IPO11: variants seen among roughly 807,000 people sequenced by gnomAD.
IPO11 encodes importin-11.
In IPO11, 66 loss-of-function variants were observed where a neutral mutation model predicts 143.2. The observed-to-expected ratio is 0.46, with a 90% CI of 0.38 to 0.57. IPO11 has a LOEUF of 0.57. IPO11 is among the 20% of genes least tolerant of loss of function. The pLI, the probability that IPO11 is intolerant of heterozygous loss-of-function variation, is 0.00. For missense variants in IPO11, 1,026 were observed against 1,141.0 expected (o/e 0.90, Z 1.45); for synonymous variants, 385 against 377.8 (o/e 1.02, Z -0.22).
At chr5:62,447,688 T>A (rs1207705127) in intron 3 of IPO11, among the ~76,000 whole-genome samples, 1 of 151,900 alleles carries the variant, frequency 6.6e-6, no homozygotes, top group Non-Finnish European at 1.5e-5. Flanking sequence ...CAGGCTCCAG[T>A]GATCCTCCCA....
At chr5:62,449,346 T>C (rs1429303030) in intron 3 of IPO11, among the ~76,000 whole-genome samples, 1 of 152,236 alleles carries the variant, frequency 6.6e-6, no homozygotes, top group Non-Finnish European at 1.5e-5. Context: ...TTTATTCTTT[T>C]CGGAGATGTT....
At chr5:62,595,419 T>C (rs1745179486) in intron 28 of IPO11, among the ~76,000 whole-genome samples, 1 of 152,244 alleles carries the variant, frequency 6.6e-6, no homozygotes, top group Non-Finnish European at 1.5e-5. Flanking sequence ...TTTTTAAAAA[T>C]AGTTGTGCTT....
chr5:62,437,557 T>C (rs1015220234), intron 2 of IPO11, 140 bp downstream of exon 2: 8 of 626,988 alleles, frequency 1.3e-5, no homozygotes, highest in Non-Finnish European at 2.2e-5. Flanking sequence ...ATTATCTTAT[T>C]ACTTTATGAC....
At chr5:62,546,380 T>C (rs1001562363) in intron 24 of IPO11, among the ~76,000 whole-genome samples, 1 of 152,020 alleles carries the variant, frequency 6.6e-6, no homozygotes, top group Non-Finnish European at 1.5e-5. Context: ...TTCTCACTCA[T>C]AGATGGAAAT....
At position 62,435,154 on chromosome 5, in the gene IPO11, A is replaced by ATATATGTATATATG. The variant is rs1561308977; in HGVS notation, c.-6-2115_-6-2114insGTATATATGTATAT. On this transcript the variant is annotated intron_variant, in intron 1 of 29. Coordinates refer to ENST00000325324, the MANE Select transcript of IPO11 (RefSeq NM_016338.5). ...TATATATGTATATATGTATATATGT[A>ATATATGTATATATG]TATATATGTATATATATGTATATAT... Among the ~76,000 whole-genome samples the ATATATGTATATATG allele has an allele frequency of 1.8e-3, 112 of 62,700 alleles. 9 individuals are homozygous for ATATATGTATATATG. The highest frequency in any genetic ancestry group is 0.015 in the Middle Eastern group (2 of 136). 41.1% of individuals were successfully genotyped at this position (62,700 alleles called of 152,430 possible). A position where few individuals can be genotyped will look rare whatever the true frequency, so the allele number is the denominator to read the frequency against.
intron 28 of IPO11, among the ~76,000 whole-genome samples, chr5:62,596,268 CAA>C (rs71608515): frequency 1.2e-4 from 11 of 95,636 alleles, no homozygotes; most frequent in Non-Finnish European, 1.6e-4. Flanking sequence ...GGCCCTGTCT[CAA>C]AAAAAAAAAA....
At chr5:62,436,223 A>G (rs1473312490) in intron 1 of IPO11, among the ~76,000 whole-genome samples, 3 of 152,206 alleles carry the variant, frequency 2.0e-5, no homozygotes, top group Non-Finnish European at 2.9e-5. Flanking sequence ...TGTTGAATCA[A>G]CATTTGGAAT....
At chr5:62,601,649 G>T in intron 28 of IPO11, 115 bp from the exon 29 acceptor site, 1 of 461,468 alleles carries the variant, frequency 2.2e-6, no homozygotes, top group East Asian at 3.6e-5. Flanking sequence ...TCACATTTTG[G>T]TGTGAAAAAC....
intron 29 of IPO11, among the ~76,000 whole-genome samples, chr5:62,618,490 T>C (rs1459320767): frequency 6.6e-6 from 1 of 152,054 alleles, no homozygotes; most frequent in African/African-American, 2.4e-5. Context: ...AGTACTAAAA[T>C]TGATGAATAA....
At chr5:62,432,086 G>C (rs1293922818) in intron 1 of IPO11, among the ~76,000 whole-genome samples, 1 of 152,150 alleles carries the variant, frequency 6.6e-6, no homozygotes, top group Non-Finnish European at 1.5e-5. Flanking sequence ...TTTGAGGCTT[G>C]AGCTGGGCTA....
At chr5:62,579,410 A>G in intron 27 of IPO11, 1 of 1,548,342 alleles carries the variant, frequency 6.5e-7, no homozygotes, top group Non-Finnish European at 8.7e-7. Context: ...GCCAATTCTG[A>G]TCTGAACAGA....
chr5:62,536,515 C>T (rs1263787990), intron 22 of IPO11, among the ~76,000 whole-genome samples, 187 bp from the exon 23 acceptor site: 3 of 152,072 alleles, frequency 2.0e-5, no homozygotes, highest in African/African-American at 7.2e-5. Flanking sequence ...TCATTGGTGA[C>T]TGTACCCTTT....
At chr5:62,478,326 C>T (rs1056986069) in intron 9 of IPO11, among the ~76,000 whole-genome samples, 14 of 151,996 alleles carry the variant, frequency 9.2e-5, no homozygotes, top group African/African-American at 2.9e-4. Flanking sequence ...CCACCACGCC[C>T]AGCTAAATTT....
intron 16 of IPO11, among the ~76,000 whole-genome samples, chr5:62,495,702 C>G (rs1250809670): frequency 6.6e-6 from 1 of 152,154 alleles, no homozygotes; most frequent in East Asian, 1.9e-4. Context: ...AACACCTGGA[C>G]TCAAACGATT....
At chr5:62,571,287 C>T (rs957263291) in intron 27 of IPO11, among the ~76,000 whole-genome samples, 8 of 152,088 alleles carry the variant, frequency 5.3e-5, no homozygotes, top group African/African-American at 1.7e-4. Flanking sequence ...GCTTCAGATG[C>T]CTGGTCTGCC....
intron 20 of IPO11, among the ~76,000 whole-genome samples, chr5:62,521,879 G>A (rs906325180): frequency 1.3e-5 from 2 of 151,584 alleles, no homozygotes; most frequent in Non-Finnish European, 2.9e-5. Context: ...TAATTCTTTT[G>A]TACAACATTT....
intron 26 of IPO11, among the ~76,000 whole-genome samples, chr5:62,557,357 A>C (rs879550869): frequency 7.4e-4 from 113 of 152,044 alleles, no homozygotes; most frequent in Non-Finnish European, 6.8e-4. Context: ...CTAATTTTGT[A>C]TTTTTAGTAG....
At chr5:62,497,634 AATTTTTTG>A (rs920387172) in intron 16 of IPO11, among the ~76,000 whole-genome samples, 3 of 152,044 alleles carry the variant, frequency 2.0e-5, no homozygotes, top group African/African-American at 7.2e-5. Flanking sequence ...ATGCCTGGCT[AATTTTTTG>A]ATTTTTTGTA....
chr5:62,456,543 A>G lies in IPO11; in HGVS notation c.516+4610A>G, dbSNP rs540260885. Reference sequence around the variant, plus strand: ...ACAAACATAGGTGTCTACAACCTTGACCTCCTAGGCTCAAGCAATCCTCTC... The same window carrying G: ...ACAAACATAGGTGTCTACAACCTTGGCCTCCTAGGCTCAAGCAATCCTCTC... On this transcript the variant is annotated intron_variant, in intron 5 of 29. Coordinates refer to ENST00000325324, the MANE Select transcript of IPO11 (RefSeq NM_016338.5). Among the ~76,000 whole-genome samples the G allele has an allele frequency of 4.1e-4, 62 of 152,176 alleles. 2 individuals are homozygous for G. The highest frequency in any genetic ancestry group is 1.5e-3 in the African/African-American group (61 of 41,506).
Sources: allele counts gnomAD v4.1 joint callset (sites outside exome capture counted in the v4.1 genomes callset), GRCh38; gene constraint gnomAD v4.1.1; transcripts MANE v1.5; gene names NCBI Gene and HGNC (gene_info 2026-07-23, HGNC 2026-07-21).